FOXK2: variants seen among roughly 807,000 people sequenced by gnomAD.
FOXK2 encodes forkhead box K2.
In FOXK2, 24 loss-of-function variants were observed where a neutral mutation model predicts 53.3. The ratio of observed to expected loss-of-function variants is 0.45; its 90% CI spans 0.33 to 0.63. The LOEUF (loss-of-function observed/expected upper bound fraction) is 0.63, where lower values mean the gene tolerates loss of function less well. FOXK2 is among the 30% of genes least tolerant of loss of function. FOXK2 has a pLI of 0.03. For synonymous variants in FOXK2, 505 were observed against 407.1 expected, an observed-to-expected ratio of 1.24 and a Z score of -2.89; for missense variants, 952 against 910.5, an observed-to-expected ratio of 1.05 and a Z score of -0.59.
intron 1 of FOXK2, among the ~76,000 whole-genome samples, chr17:82,557,974 C>G (rs1429828601): frequency 6.6e-6 from 1 of 152,178 alleles, no homozygotes; most frequent in Non-Finnish European, 1.5e-5. Flanking sequence ...TTTAAATGCC[C>G]TGTGCTCCTG....
intron 1 of FOXK2, among the ~76,000 whole-genome samples, chr17:82,534,599 C>T (rs1182711431): frequency 6.6e-6 from 1 of 152,160 alleles, no homozygotes; most frequent in African/African-American, 2.4e-5. Context: ...CCTGGGACTG[C>T]GCTACTGGAG....
Position 82,519,773 on chromosome 17 carries a change from C to CTCGGCGGCCTCG in FOXK2, c.-116_-115insTCGGCGGCCTCG. The CTCGGCGGCCTCG allele has an allele frequency of 3.6e-6, 1 of 280,326 alleles. No homozygotes were observed. The highest frequency in any genetic ancestry group is 5.3e-6 in the Non-Finnish European group (1 of 189,248). The allele number at this position is 280,326 out of a possible 1,614,324, so 17.4% of individuals were successfully genotyped here. A position where few individuals can be genotyped will look rare whatever the true frequency, so the allele number is the denominator to read the frequency against. The stretch of plus-strand genomic sequence containing the variant: ...CGCTCGCTCGCCGGCCGGCGGCCTC[C>CTCGGCGGCCTCG]GCTCGGCCCCCTCCCTCAGCTCCGG... On this transcript the variant is annotated 5_prime_UTR_variant, in exon 1 of 9. Coordinates refer to ENST00000335255, the MANE Select transcript of FOXK2 (RefSeq NM_004514.4).
At chr17:82,576,267 G>A (rs559625188) in intron 4 of FOXK2, among the ~76,000 whole-genome samples, 7 of 150,556 alleles carry the variant, frequency 4.6e-5, no homozygotes, top group East Asian at 2.0e-4. Context: ...CTCGGGTGGC[G>A]GCGGCGGGTT....
chr17:82,577,377 C>CTT, intron 4 of FOXK2: 2 of 568,312 alleles, frequency 3.5e-6, no homozygotes, highest in East Asian at 6.8e-5. Flanking sequence ...AAGCTCTCTT[C>CTT]TTCTAAGGTG....
Position 82,585,992 on chromosome 17 carries a change from C to A in FOXK2, c.1368C>A (p.Thr456=). The A allele has an allele frequency of 6.2e-7, 1 of 1,612,782 alleles. No homozygotes were observed. Among genetic ancestry groups the A allele is most frequent in the Non-Finnish European group, 8.5e-7 (1 of 1,179,938 alleles). The change falls in exon 7 of 9, where the codon ACC becomes ACA. Residue 456 remains threonine (T), a synonymous_variant. Coordinates refer to ENST00000335255, the MANE Select transcript of FOXK2 (RefSeq NM_004514.4). ...AIKPVTYTVA[T]PVTTSTSQPP... is the part of the protein sequence containing the mutation. ...AGCCTGTCACCTACACTGTGGCCACCCCAGTGACCACCTCGACCTCCCAGC... is the reference window on the plus strand; with the variant it reads ...AGCCTGTCACCTACACTGTGGCCACACCAGTGACCACCTCGACCTCCCAGC...
intron 1 of FOXK2, among the ~76,000 whole-genome samples, chr17:82,547,511 C>T (rs928415908): frequency 3.9e-5 from 6 of 152,142 alleles, no homozygotes; most frequent in African/African-American, 1.4e-4. Flanking sequence ...AATAATACTT[C>T]TGGTTATTTT....
intron 1 of FOXK2, among the ~76,000 whole-genome samples, chr17:82,550,114 G>A (rs2044661883): frequency 6.6e-6 from 1 of 152,134 alleles, no homozygotes; most frequent in Admixed American, 6.5e-5. Context: ...CGGGAGGATT[G>A]CTTCAGCCTG....
Position 82,595,979 on chromosome 17 carries a change from G to A in FOXK2, c.1787-5324G>A, listed in dbSNP as rs75195439. On this transcript the variant is annotated intron_variant, in intron 8 of 8. Transcript: ENST00000335255. ...ACACCTACAGCGTGGATGCTGTTCCGAGTCAGCGTAGGAGAAAGGCCACTG... is the reference window on the plus strand; with the variant it reads ...ACACCTACAGCGTGGATGCTGTTCCAAGTCAGCGTAGGAGAAAGGCCACTG... 8.6e-4 allele frequency: 1,014 copies of A among 1,184,704 alleles called. 10 individuals carry two copies. The African/African-American group carries it at 0.014, about 16-fold the overall frequency. 73.4% of individuals were successfully genotyped at this position (1,184,704 alleles called of 1,614,324 possible).
chr17:82,582,875 G>A lies in FOXK2; in HGVS notation c.1044G>A (p.Arg348=). Residue 348 remains arginine, a synonymous_variant, in exon 5 of 9, where the codon AGG becomes AGA. Coordinates refer to ENST00000335255, the MANE Select transcript of FOXK2 (RefSeq NM_004514.4). ...GCAAATTAATAGAACAGGCTTTTAG[G>A]AAACGACGGCCTAGGGGCGTGCCCT... is the stretch of plus-strand genomic sequence containing the variant. ...SESKLIEQAF[R]KRRPRGVPCF... 1 of 1,613,380 alleles carries A rather than the reference G, an allele frequency of 6.2e-7. No homozygotes were observed. The highest frequency in any genetic ancestry group is 8.5e-7 in the Non-Finnish European group (1 of 1,179,904).
At chr17:82,531,806 A>T (rs528658801) in intron 1 of FOXK2, among the ~76,000 whole-genome samples, 1 of 152,290 alleles carries the variant, frequency 6.6e-6, no homozygotes, top group South Asian at 2.1e-4. Flanking sequence ...GTGACTGTAC[A>T]CCGCTGTCAA....
chr17:82,582,675 G>A (rs2045078262), intron 4 of FOXK2, 66 bp from the exon 5 acceptor site: 3 of 1,367,920 alleles, frequency 2.2e-6, no homozygotes, highest in Non-Finnish European at 3.0e-6. Flanking sequence ...GCACTAAAAC[G>A]AGGACACATT....
At chr17:82,562,040 T>A (rs2044801370) in intron 1 of FOXK2, among the ~76,000 whole-genome samples, 1 of 152,244 alleles carries the variant, frequency 6.6e-6, no homozygotes, top group Non-Finnish European at 1.5e-5. Context: ...AATAGGCTGT[T>A]GTTGAACTGG....
Position 82,520,176 on chromosome 17 carries a change from G to C in FOXK2, c.288G>C (p.Pro96=). ...PGGGGHGGAA[P]ELPPAQPRPD... is the part of the protein sequence containing the mutation. ...GCGGCGGCCATGGCGGGGCCGCTCCGGAGCTGCCGCCCGCGCAGCCCAGGC... is the reference window on the plus strand; with the variant it reads ...GCGGCGGCCATGGCGGGGCCGCTCCCGAGCTGCCGCCCGCGCAGCCCAGGC... The change falls in exon 1 of 9, where the codon CCG becomes CCC. Residue 96 remains proline (P), a synonymous_variant. Coordinates refer to ENST00000335255, the MANE Select transcript of FOXK2 (RefSeq NM_004514.4). 1 of 1,467,054 alleles carries C rather than the reference G, an allele frequency of 6.8e-7. No homozygotes were observed. Among genetic ancestry groups the C allele is most frequent in the Non-Finnish European group, 9.0e-7 (1 of 1,108,322 alleles). The allele number at this position is 1,467,054 out of a possible 1,614,324, so 90.9% of individuals were successfully genotyped here. A position where few individuals can be genotyped will look rare whatever the true frequency, so the allele number is the denominator to read the frequency against.
chr17:82,589,185 G>A (rs1340951487), intron 8 of FOXK2, among the ~76,000 whole-genome samples: 2 of 151,804 alleles, frequency 1.3e-5, no homozygotes, highest in South Asian at 2.1e-4. Flanking sequence ...AAGCTTTTAC[G>A]GGATTATTTT....
intron 1 of FOXK2, among the ~76,000 whole-genome samples, chr17:82,528,577 A>G (rs1703435320): frequency 6.6e-6 from 1 of 152,200 alleles, no homozygotes; most frequent in African/African-American, 2.4e-5. Flanking sequence ...TTTAAGGCAC[A>G]CATTACCATC....
intron 1 of FOXK2, among the ~76,000 whole-genome samples, chr17:82,556,547 C>A (rs939918984): frequency 1.3e-5 from 2 of 149,932 alleles, no homozygotes; most frequent in Non-Finnish European, 3.0e-5. Flanking sequence ...CACAGAGCAC[C>A]TCCCTCACCT....
rs771769691 is a variant in FOXK2 at position 82,601,582 on chromosome 17, A to G, written c.*83A>G. The stretch of plus-strand genomic sequence containing the variant: ...GCCTCCCGCCAGCACTCGGGGGTGC[A>G]GGGCCCTGTGGTTGGACTTCACCTC... On this transcript the variant is annotated 3_prime_UTR_variant, in exon 9 of 9. Transcript: ENST00000335255. 1.4e-6 allele frequency: 2 copies of G among 1,395,864 alleles called. No individual in the cohort carries two copies. Among genetic ancestry groups the G allele is most frequent in the Non-Finnish European group, 1.9e-6 (2 of 1,042,652 alleles). The allele number at this position is 1,395,864 out of a possible 1,614,324, so 86.5% of individuals were successfully genotyped here.
At chr17:82,526,752 C>T (rs1422237624) in intron 1 of FOXK2, among the ~76,000 whole-genome samples, 1 of 151,798 alleles carries the variant, frequency 6.6e-6, no homozygotes, top group East Asian at 1.9e-4. Context: ...ATGGCATGAA[C>T]CCAGGAGATT....
intron 1 of FOXK2, among the ~76,000 whole-genome samples, chr17:82,542,519 A>C (rs1387401911): frequency 6.6e-6 from 1 of 151,820 alleles, no homozygotes; most frequent in Non-Finnish European, 1.5e-5. Flanking sequence ...TGTCCTGCTC[A>C]GGTTGGTGTA....
Sources: gnomAD v4.1 joint callset for allele counts (sites outside exome capture counted in the v4.1 genomes callset) on GRCh38, gnomAD v4.1.1 for gene constraint, MANE v1.5 for transcripts, NCBI Gene and HGNC (gene_info 2026-07-23, HGNC 2026-07-21) for gene names.